The following ZEB1 variants were observed in gnomAD, a reference collection of about 807,000 sequenced individuals.
ZEB1 encodes the protein zinc finger E-box-binding homeobox 1.
Under a neutral mutation model 84.9 loss-of-function variants are expected in ZEB1, and 21 were observed. The ratio of observed to expected loss-of-function variants is 0.25; its 90% CI spans 0.18 to 0.36. The LOEUF (loss-of-function observed/expected upper bound fraction) is 0.36, where lower values mean the gene tolerates loss of function less well. ZEB1 is among the 10% of genes least tolerant of loss of function. The probability of loss-of-function intolerance (pLI) is 1.00; values close to 1 mark genes in which losing one functional copy is unlikely to be tolerated. For missense variants in ZEB1, 1,104 were observed against 1,330.2 expected (o/e 0.83, Z 2.65); for synonymous variants, 420 against 471.1 (o/e 0.89, Z 1.41).
chr10:31,415,859 A>G (rs2055130448), intron 1 of ZEB1, among the ~76,000 whole-genome samples: 1 of 152,086 alleles, frequency 6.6e-6, no homozygotes, highest in Non-Finnish European at 1.5e-5. Context: ...TTGTAATACA[A>G]TAATAAAAAA....
intron 1 of ZEB1, 189 bp downstream of exon 1, chr10:31,319,481 C>T: frequency 3.2e-6 from 2 of 622,348 alleles, no homozygotes; most frequent in Non-Finnish European, 5.6e-6. Context: ...CGCGCCGCGG[C>T]CGCTCGCTCT....
At position 31,499,371 on chromosome 10, in the gene ZEB1, A is replaced by AT. The variant is rs1387882519; in HGVS notation, c.323-2975dup. Among the ~76,000 whole-genome samples, 6 of 152,166 alleles carry AT rather than the reference A, an allele frequency of 3.9e-5. No individual in the cohort carries two copies. The East Asian group carries it at 1.2e-3, about 29-fold the overall frequency. On this transcript the variant is annotated intron_variant, in intron 3 of 8. Coordinates refer to ENST00000424869, the MANE Select transcript of ZEB1 (RefSeq NM_001174096.2). ...TATATTTTTCATGAAAAACACTTTT[A>AT]TTACATGAACTGTATTTTGAGCAAT...
intron 4 of ZEB1, among the ~76,000 whole-genome samples, chr10:31,505,862 A>AT (rs61546820): frequency 0.76 from 114,699 of 151,538 alleles, 49,137 homozygotes; most frequent in Non-Finnish European, 0.95. Context: ...AAATGTTTCT[A>AT]TTTTTTGTTT....
At chr10:31,330,900 C>T (rs1329139270) in intron 1 of ZEB1, among the ~76,000 whole-genome samples, 2 of 151,494 alleles carry the variant, frequency 1.3e-5, no homozygotes, top group African/African-American at 4.8e-5. Flanking sequence ...TAACCTGTGC[C>T]TTATTTTTGT....
chr10:31,517,500 T>TA (rs56957641), intron 6 of ZEB1, among the ~76,000 whole-genome samples: 280 of 140,740 alleles, frequency 2.0e-3, no homozygotes, highest in East Asian at 2.6e-3. Context: ...CCTTAGCCAT[T>TA]AAAAAAAAAA....
intron 1 of ZEB1, among the ~76,000 whole-genome samples, chr10:31,382,019 A>AC (rs965068326): frequency 7.5e-5 from 11 of 146,338 alleles, no homozygotes; most frequent in African/African-American, 2.5e-4. Context: ...AAAAAAAAAA[A>AC]AAAAAAAAAA....
chr10:31,450,240 T>C (rs967183534), intron 1 of ZEB1, among the ~76,000 whole-genome samples: 2 of 152,246 alleles, frequency 1.3e-5, no homozygotes, highest in African/African-American at 4.8e-5. Flanking sequence ...TTGATGACTT[T>C]TACATAGAAT....
chr10:31,407,495 T>C (rs968473927), intron 1 of ZEB1, among the ~76,000 whole-genome samples: 1 of 152,052 alleles, frequency 6.6e-6, no homozygotes, highest in African/African-American at 2.4e-5. Flanking sequence ...CAGTCTATCA[T>C]TGTAGGACAT....
chr10:31,347,627 C>T (rs953674481), intron 1 of ZEB1, among the ~76,000 whole-genome samples: 1 of 152,200 alleles, frequency 6.6e-6, no homozygotes, highest in Non-Finnish European at 1.5e-5. Flanking sequence ...TTAACACTTT[C>T]ATAAACCTTT....
intron 7 of ZEB1, among the ~76,000 whole-genome samples, chr10:31,522,688 G>A (rs1293598929): frequency 1.3e-5 from 2 of 152,282 alleles, no homozygotes; most frequent in East Asian, 3.9e-4. Flanking sequence ...TGTCACTGAT[G>A]TTGATGTTTT....
At chr10:31,351,998 C>T (rs1184211694) in intron 1 of ZEB1, among the ~76,000 whole-genome samples, 2 of 152,104 alleles carry the variant, frequency 1.3e-5, no homozygotes, top group Non-Finnish European at 2.9e-5. Context: ...TATACTAATT[C>T]TTTATATAGC....
intron 3 of ZEB1, among the ~76,000 whole-genome samples, chr10:31,501,264 C>G (rs1304914402): frequency 6.6e-6 from 1 of 152,192 alleles, no homozygotes; most frequent in East Asian, 1.9e-4. Context: ...AGACCCTCTT[C>G]TGGAGCCAGT....
At chr10:31,419,677 G>A (rs879734990) in intron 1 of ZEB1, among the ~76,000 whole-genome samples, 3 of 152,156 alleles carry the variant, frequency 2.0e-5, no homozygotes, top group Admixed American at 6.5e-5. Flanking sequence ...ATCATGAAGT[G>A]TTGCTGATTT....
Position 31,524,283 on chromosome 10 carries a change from A to G in ZEB1, c.2785+170A>G, listed in dbSNP as rs116888919. Among the ~76,000 whole-genome samples the G allele has an allele frequency of 3.6e-3, 540 of 151,680 alleles. 5 individuals are homozygous for G. Among genetic ancestry groups the G allele is most frequent in the East Asian group, 0.019 (98 of 5,164 alleles). On this transcript the variant is annotated intron_variant, in intron 8 of 8. Coordinates refer to ENST00000424869, the MANE Select transcript of ZEB1 (RefSeq NM_001174096.2). ...TGGAGTGCAGTGGCACGCAATCTCA[A>G]TCTCGGCTCACTGCAACCTCCGCCT...
At chr10:31,519,676 T>C (rs2139768005) in intron 6 of ZEB1, among the ~76,000 whole-genome samples, 1 of 152,358 alleles carries the variant, frequency 6.6e-6, no homozygotes, top group Middle Eastern at 3.4e-3. Context: ...AAGATAGATA[T>C]TCATACTTGT....
intron 1 of ZEB1, among the ~76,000 whole-genome samples, chr10:31,413,654 G>T (rs1023905383): frequency 6.6e-6 from 1 of 151,986 alleles, no homozygotes; most frequent in African/African-American, 2.4e-5. Flanking sequence ...CCACCAAGAG[G>T]CATTTAGTGG....
chr10:31,410,158 C>T (rs1229552360), intron 1 of ZEB1, among the ~76,000 whole-genome samples: 1 of 152,196 alleles, frequency 6.6e-6, no homozygotes, highest in Non-Finnish European at 1.5e-5. Context: ...TCATAAATGG[C>T]TGTTACTGTT....
chr10:31,442,778 G>C (rs1396761045), intron 1 of ZEB1, among the ~76,000 whole-genome samples: 1 of 152,110 alleles, frequency 6.6e-6, no homozygotes, highest in Admixed American at 6.6e-5. Flanking sequence ...GAAAAGGAGA[G>C]AGTAATGAAT....
intron 2 of ZEB1, among the ~76,000 whole-genome samples, chr10:31,479,005 C>T (rs1044366705): frequency 6.6e-6 from 1 of 151,764 alleles, no homozygotes; most frequent in Non-Finnish European, 1.5e-5. Flanking sequence ...TAAACCTGCA[C>T]ATGTGCCCCC....
Sources: gnomAD v4.1 joint callset for allele counts (sites outside exome capture counted in the v4.1 genomes callset) on GRCh38, gnomAD v4.1.1 for gene constraint, MANE v1.5 for transcripts, NCBI Gene and HGNC (gene_info 2026-07-23, HGNC 2026-07-21) for gene names.